GAS7: variants seen among roughly 807,000 people sequenced by gnomAD.
GAS7 encodes growth arrest-specific protein 7.
Under a neutral mutation model 71.1 loss-of-function variants are expected in GAS7, and 28 were observed. The ratio of observed to expected loss-of-function variants is 0.39; its 90% confidence interval spans 0.29 to 0.54. GAS7 has a LOEUF of 0.54. Among genes scored for constraint, GAS7 ranks in the 20% least tolerant of loss-of-function variants. The pLI, the probability that GAS7 is intolerant of heterozygous loss-of-function variation, is 0.62. For synonymous variants in GAS7, 258 were observed against 245.8 expected (o/e 1.05, Z -0.46); for missense variants, 436 against 627.8 (o/e 0.69, Z 3.27).
At chr17:9,931,784 G>T (rs2068216816) in intron 9 of GAS7, among the ~76,000 whole-genome samples, 1 of 152,126 alleles carries the variant, frequency 6.6e-6, no homozygotes. Flanking sequence ...CAATCTTGGG[G>T]CACACTAAGC....
At chr17:10,104,498 T>A (rs780935503) in intron 1 of GAS7, among the ~76,000 whole-genome samples, 4 of 152,158 alleles carry the variant, frequency 2.6e-5, no homozygotes, top group Non-Finnish European at 5.9e-5. Flanking sequence ...GACTCTAAAT[T>A]AATATCTCTA....
At chr17:10,123,018 G>C (rs1295469113) in intron 1 of GAS7, among the ~76,000 whole-genome samples, 4 of 152,084 alleles carry the variant, frequency 2.6e-5, no homozygotes, top group South Asian at 2.1e-4. Context: ...ATTTTGAGGT[G>C]ACGGGGTCTC....
intron 1 of GAS7, among the ~76,000 whole-genome samples, chr17:10,170,131 C>T (rs2074325153): frequency 6.6e-6 from 1 of 151,870 alleles, no homozygotes. Context: ...CCTTACTTGT[C>T]TCCCTCCTTC....
chr17:9,923,198 C>T (rs113898322), intron 11 of GAS7, among the ~76,000 whole-genome samples: 1,920 of 151,736 alleles, frequency 0.013, 51 homozygotes, highest in African/African-American at 0.043. Context: ...TGAGCCACCA[C>T]GGCCGGCCTT....
intron 1 of GAS7, among the ~76,000 whole-genome samples, chr17:10,136,035 A>G (rs1239519224): frequency 6.6e-6 from 1 of 152,230 alleles, no homozygotes; most frequent in Non-Finnish European, 1.5e-5. Flanking sequence ...AACAACACCA[A>G]GGACCGTCTG....
chr17:10,068,977 G>A (rs1000159228), intron 1 of GAS7, among the ~76,000 whole-genome samples: 4 of 152,164 alleles, frequency 2.6e-5, no homozygotes, highest in African/African-American at 9.7e-5. Flanking sequence ...CAGACTCAGT[G>A]CCCAGAGTTT....
At chr17:10,188,026 T>C (rs1003460717) in intron 1 of GAS7, among the ~76,000 whole-genome samples, 9 of 152,130 alleles carry the variant, frequency 5.9e-5, no homozygotes, top group African/African-American at 1.7e-4. Context: ...GGTGGATCAT[T>C]TGAGGTCAGG....
chr17:10,177,779 T>C (rs973903060), intron 1 of GAS7, among the ~76,000 whole-genome samples: 11 of 152,194 alleles, frequency 7.2e-5, no homozygotes, highest in Non-Finnish European at 1.6e-4. Context: ...TAGCTGAATA[T>C]ATATATAGTC....
chr17:10,030,607 T>A (rs2072593596), intron 1 of GAS7, among the ~76,000 whole-genome samples: 2 of 152,224 alleles, frequency 1.3e-5, no homozygotes, highest in Non-Finnish European at 2.9e-5. Flanking sequence ...GAGTCCTCTG[T>A]GTGTCACCTC....
At chr17:10,123,392 A>G (rs1295603207) in intron 1 of GAS7, among the ~76,000 whole-genome samples, 2 of 152,162 alleles carry the variant, frequency 1.3e-5, no homozygotes. Flanking sequence ...CACTTTAAGA[A>G]GCCCTACCCT....
At chr17:9,984,530 G>C (rs1332808231) in intron 2 of GAS7, among the ~76,000 whole-genome samples, 4 of 152,194 alleles carry the variant, frequency 2.6e-5, no homozygotes, top group Non-Finnish European at 5.9e-5. Flanking sequence ...AGCAGGCTTA[G>C]GAGCTTCTCC....
At chr17:10,009,690 C>CAAAAAAAAAAAAAAAAAAAAAAAAAAA (rs1567888010) in intron 2 of GAS7, among the ~76,000 whole-genome samples, 1 of 137,924 alleles carries the variant, frequency 7.3e-6, no homozygotes, top group African/African-American at 2.9e-5. Context: ...AAAAAAAAAA[C>CAAAAAAAAAAAAAAAAAAAAAAAAAAA]CAAACAAAAA....
rs1366991478 is a variant in GAS7, at chr17:10,007,389, G to GAA, written c.304+12387_304+12388insTT. ...CCTGTATTCCCAGCACTTTGAGAGGGTGAGGCTGGTGGATCACCTGAGGTC... is the reference window on the plus strand; with the variant it reads ...CCTGTATTCCCAGCACTTTGAGAGGGAATGAGGCTGGTGGATCACCTGAGGTC... On this transcript the variant is annotated intron_variant, in intron 2 of 13. Transcript: ENST00000432992. Among the ~76,000 whole-genome samples, 4 of 152,106 alleles carry GAA rather than the reference G, an allele frequency of 2.6e-5. No individual in the cohort carries two copies. In the East Asian group the frequency reaches 7.7e-4, roughly 29 times the overall value.
chr17:9,951,332 T>C (rs1016127130), intron 5 of GAS7, among the ~76,000 whole-genome samples: 7 of 152,258 alleles, frequency 4.6e-5, no homozygotes, highest in African/African-American at 1.7e-4. Flanking sequence ...GAGTTGTGGG[T>C]ACTCAGAGGC....
chr17:10,192,208 T>TG (rs1017458906), intron 1 of GAS7, among the ~76,000 whole-genome samples: 20 of 152,210 alleles, frequency 1.3e-4, no homozygotes, highest in African/African-American at 4.6e-4. Flanking sequence ...CTTCTCGCCA[T>TG]AGGCATAAAT....
intron 1 of GAS7, chr17:10,039,706 C>T (rs531691471): frequency 2.5e-4 from 114 of 455,002 alleles, no homozygotes; most frequent in Non-Finnish European, 3.6e-4. Flanking sequence ...TAAATAAAGA[C>T]GACGAGGCTG....
intron 1 of GAS7, chr17:10,061,232 T>C (rs1417380177): frequency 6.6e-6 from 1 of 152,244 alleles, no homozygotes; most frequent in Non-Finnish European, 1.5e-5. Context: ...GAACAACAAC[T>C]TCAAAGCCAC....
At chr17:10,000,461 G>T (rs1300819655) in intron 2 of GAS7, among the ~76,000 whole-genome samples, 1 of 152,186 alleles carries the variant, frequency 6.6e-6, no homozygotes, top group Non-Finnish European at 1.5e-5. Flanking sequence ...CCCTCTGCCT[G>T]CACCATTTCC....
chr17:10,019,927 C>T (rs1216480673), intron 1 of GAS7, 30 bp from the exon 2 acceptor site: 21 of 1,605,784 alleles, frequency 1.3e-5, no homozygotes, highest in Non-Finnish European at 1.6e-5. Flanking sequence ...AGGTCACACC[C>T]ATTTGGCATT....
Sources: allele counts gnomAD v4.1 joint callset (sites outside exome capture counted in the v4.1 genomes callset), GRCh38; gene constraint gnomAD v4.1.1; transcripts MANE v1.5; gene names NCBI Gene and HGNC (gene_info 2026-07-23, HGNC 2026-07-21).